Variants in ADGRL2 observed in about 807,000 individuals in gnomAD.
The protein encoded by ADGRL2 is adhesion G protein-coupled receptor L2.
In ADGRL2, 44 loss-of-function variants were observed where a neutral mutation model predicts 157.4. The ratio of observed to expected loss-of-function variants is 0.28; its 90% CI spans 0.22 to 0.36. ADGRL2 has a LOEUF of 0.36. Among genes scored for constraint, ADGRL2 ranks in the 10% least tolerant of loss-of-function variants. ADGRL2 has a pLI of 1.00. For missense variants in ADGRL2, 1,510 were observed against 1,768.9 expected, an observed-to-expected ratio of 0.85 and a Z score of 2.63; for synonymous variants, 585 against 624.7, an observed-to-expected ratio of 0.94 and a Z score of 0.95.
chr1:81,971,505 C>T (rs1658737268), intron 16 of ADGRL2, among the ~76,000 whole-genome samples: 1 of 152,076 alleles, frequency 6.6e-6, no homozygotes, highest in Non-Finnish European at 1.5e-5. Context: ...ATATGTAGGA[C>T]TTTAAAATGA....
intron 2 of ADGRL2, among the ~76,000 whole-genome samples, chr1:81,447,834 G>A (rs1342346619): frequency 1.3e-5 from 2 of 152,188 alleles, no homozygotes; most frequent in East Asian, 3.9e-4. Flanking sequence ...CCCAATGTTG[G>A]AGTGGGCCTA....
rs35732882 is a variant in ADGRL2 at position 81,673,510 on chromosome 1, ATTTTTTTTTTTT to A, written c.-142-88290_-142-88279del. ...CTGAGGAACAGAAACTGTGCCTTCT[ATTTTTTTTTTTT>A]TTTTTTTTTTGAGACGGAGTCTCAC... is the stretch of plus-strand genomic sequence containing the variant. On this transcript the variant is annotated intron_variant, in intron 3 of 24. Coordinates refer to the ADGRL2 transcript ENST00000370721. Among the ~76,000 whole-genome samples the A allele has an allele frequency of 4.0e-5, 4 of 100,154 alleles. No homozygotes were observed. The Admixed American group carries it at 4.7e-4, about 12-fold the overall frequency. The allele number at this position is 100,154 out of a possible 152,430, so 65.7% of individuals were successfully genotyped here.
intron 23 of ADGRL2, chr1:81,989,844 A>G: frequency 7.2e-7 from 1 of 1,394,662 alleles, no homozygotes; most frequent in Non-Finnish European, 9.3e-7. Context: ...TCTTTTTTTT[A>G]CTTCATCTCC....
rs773526413 is a variant in ADGRL2 at position 81,630,225 on chromosome 1, G to A, written c.-143+49245G>A. ...AGCTGAATAAGACAGTGGAGAGAAA[G>A]CAAGGCAAAGCTGTGGTTTCAAGAG... On this transcript the variant is annotated intron_variant, in intron 3 of 24. Coordinates refer to the ADGRL2 transcript ENST00000370721. 7.2e-5 allele frequency among the ~76,000 whole-genome samples: 11 copies of A among 152,158 alleles called. No homozygotes were observed. The South Asian group carries it at 1.0e-3, about 14-fold the overall frequency.
chr1:81,876,848 A>G (rs1175190914), intron 2 of ADGRL2, among the ~76,000 whole-genome samples: 5 of 152,170 alleles, frequency 3.3e-5, no homozygotes, highest in Admixed American at 3.3e-4. Flanking sequence ...AGCTAAATCT[A>G]CTTGTGGAAG....
At chr1:81,927,911 C>T (rs1383511643) in intron 3 of ADGRL2, among the ~76,000 whole-genome samples, 1 of 151,954 alleles carries the variant, frequency 6.6e-6, no homozygotes, top group African/African-American at 2.4e-5. Flanking sequence ...GATAAAATAG[C>T]ATTTCATTAT....
At chr1:81,802,189 A>C (rs2088299238) in intron 1 of ADGRL2, among the ~76,000 whole-genome samples, 1 of 151,628 alleles carries the variant, frequency 6.6e-6, no homozygotes, top group Non-Finnish European at 1.5e-5. Flanking sequence ...CGCGGCCCCC[A>C]CGCCAGACGG....
intron 2 of ADGRL2, among the ~76,000 whole-genome samples, chr1:81,457,683 AT>A (rs200388669): frequency 6.6e-6 from 1 of 152,076 alleles, no homozygotes; most frequent in Non-Finnish European, 1.5e-5. Flanking sequence ...AGCCAAATGA[AT>A]TTTTTTTAAA....
At position 81,664,555 on chromosome 1, in the gene ADGRL2, G is replaced by T. The variant is rs112463251; in HGVS notation, c.-143+83575G>T. On this transcript the variant is annotated intron_variant, in intron 3 of 24. Transcript: ENST00000370721. ...CCTTTTTGTGAATCAAATTCTTTCA[G>T]TTCTCAAGAGTTTCCCTCCCAGGCA... Among the ~76,000 whole-genome samples the T allele has an allele frequency of 4.1e-3, 630 of 152,230 alleles. 7 individuals carry two copies. The highest frequency in any genetic ancestry group is 0.014 in the African/African-American group (589 of 41,528).
At chr1:81,519,793 T>C (rs2079268845) in intron 2 of ADGRL2, among the ~76,000 whole-genome samples, 1 of 152,164 alleles carries the variant, frequency 6.6e-6, no homozygotes, top group African/African-American at 2.4e-5. Context: ...CAACCTTTCT[T>C]GCTTCTTTAT....
At chr1:81,316,142 A>G (rs12062380) in intron 1 of ADGRL2, among the ~76,000 whole-genome samples, 67,204 of 134,006 alleles carry the variant, frequency 0.5, 15,287 homozygotes, top group Middle Eastern at 0.59. Context: ...AAAAAAAAAA[A>G]GAAAAAAGAA....
intron 2 of ADGRL2, among the ~76,000 whole-genome samples, chr1:81,510,740 G>T (rs1379651512): frequency 1.3e-5 from 2 of 152,164 alleles, no homozygotes; most frequent in African/African-American, 4.8e-5. Flanking sequence ...TAGAAAGAAT[G>T]AAAAAGACTG....
chr1:81,872,335 C>A (rs1475435025), intron 2 of ADGRL2, among the ~76,000 whole-genome samples: 1 of 152,066 alleles, frequency 6.6e-6, no homozygotes, highest in African/African-American at 2.4e-5. Context: ...TAACTGTAGC[C>A]TTGTAGTGTG....
At chr1:81,776,438 C>T (rs11163362) in intron 2 of ADGRL2, among the ~76,000 whole-genome samples, 30,740 of 152,058 alleles carry the variant, frequency 0.2, 3,440 homozygotes, top group African/African-American at 0.29. Flanking sequence ...CTGCCCGCCT[C>T]GGCCTCCCAA....
At chr1:81,762,653 T>A (rs1051889099) in intron 2 of ADGRL2, among the ~76,000 whole-genome samples, 3 of 151,950 alleles carry the variant, frequency 2.0e-5, no homozygotes, top group African/African-American at 7.2e-5. Flanking sequence ...AAGTGTTAGG[T>A]TAAGTGAAAA....
At chr1:81,653,134 A>G (rs2082455723) in intron 3 of ADGRL2, among the ~76,000 whole-genome samples, 1 of 152,118 alleles carries the variant, frequency 6.6e-6, no homozygotes, top group East Asian at 1.9e-4. Context: ...TATATATTCA[A>G]AATACTTTAT....
chr1:81,872,208 G>GT (rs2093715804), intron 2 of ADGRL2, among the ~76,000 whole-genome samples: 1 of 152,062 alleles, frequency 6.6e-6, no homozygotes, highest in Non-Finnish European at 1.5e-5. Context: ...TCCATTTCTT[G>GT]TTTTTGTCAG....
At chr1:81,563,448 G>T (rs1557465099) in intron 2 of ADGRL2, among the ~76,000 whole-genome samples, 1 of 152,136 alleles carries the variant, frequency 6.6e-6, no homozygotes, top group Non-Finnish European at 1.5e-5. Flanking sequence ...AAAAGAGGAA[G>T]AAAGAGAGGA....
At chr1:81,779,377 TA>T (rs56308531) in intron 2 of ADGRL2, among the ~76,000 whole-genome samples, 24,577 of 152,058 alleles carry the variant, frequency 0.16, 2,090 homozygotes, top group South Asian at 0.28. Flanking sequence ...CATAAAAGAA[TA>T]AAGATGCTTT....
Sources: gnomAD v4.1 joint callset for allele counts (sites outside exome capture counted in the v4.1 genomes callset) on GRCh38, gnomAD v4.1.1 for gene constraint, MANE v1.5 for transcripts, NCBI Gene and HGNC (gene_info 2026-07-23, HGNC 2026-07-21) for gene names.